The following HIP1 variants were observed in gnomAD, a reference collection of about 807,000 sequenced individuals.
HIP1 encodes huntingtin interacting protein 1.
In HIP1, 65 loss-of-function variants were observed where a neutral mutation model predicts 147.6. The observed-to-expected ratio is 0.44, with a 90% confidence interval of 0.36 to 0.54. The LOEUF is 0.54. Ranked by LOEUF, HIP1 falls within the 20% of genes least tolerant of loss-of-function variation. The probability of loss-of-function intolerance (pLI) is 0.00; values close to 1 mark genes in which losing one functional copy is unlikely to be tolerated. For missense variants in HIP1, 1,061 were observed against 1,299.6 expected (o/e 0.82, Z 2.82); for synonymous variants, 479 against 504.0 (o/e 0.95, Z 0.67).
At position 75,663,934 on chromosome 7, in the gene HIP1, GTATA is replaced by G. The variant is rs72121686; in HGVS notation, c.121-64691_121-64688del. Among the ~76,000 whole-genome samples, 7 of 25,166 alleles carry G rather than the reference GTATA, an allele frequency of 2.8e-4. 1 individual carries two copies. Among genetic ancestry groups the G allele is most frequent in the African/African-American group, 1.7e-3 (5 of 3,028 alleles). The allele number at this position is 25,166 out of a possible 152,430, so 16.5% of individuals were successfully genotyped here. On this transcript the variant is annotated intron_variant, in intron 1 of 30. Transcript: ENST00000336926. The stretch of plus-strand genomic sequence containing the variant: ...ACCTTCCATTATTTTATGTATGTGT[GTATA>G]TATATATATACACATATATGTGTAT...
intron 1 of HIP1, among the ~76,000 whole-genome samples, chr7:75,738,307 T>C (rs1327925168): frequency 1.5e-5 from 2 of 136,668 alleles, no homozygotes; most frequent in African/African-American, 5.3e-5. Flanking sequence ...GAAAGGGGGA[T>C]GCTAAGGGGT....
intron 1 of HIP1, among the ~76,000 whole-genome samples, chr7:75,706,473 C>CTTTTTT (rs139655610): frequency 7.2e-6 from 1 of 138,092 alleles, no homozygotes; most frequent in Non-Finnish European, 1.5e-5. Flanking sequence ...TATATATCTT[C>CTTTTTT]TTTTTTTTTA....
intron 2 of HIP1, among the ~76,000 whole-genome samples, chr7:75,598,859 A>G (rs1796860987): frequency 6.6e-6 from 1 of 152,164 alleles, no homozygotes; most frequent in African/African-American, 2.4e-5. Flanking sequence ...TGATCACGCC[A>G]TTGCACTCCA....
intron 1 of HIP1, among the ~76,000 whole-genome samples, chr7:75,671,944 A>C (rs1799740986): frequency 6.6e-6 from 1 of 152,144 alleles, no homozygotes; most frequent in Admixed American, 6.6e-5. Flanking sequence ...CGTGTTGGTC[A>C]GGCTGGTCTT....
intron 1 of HIP1, among the ~76,000 whole-genome samples, chr7:75,604,113 CA>C (rs1182297022): frequency 6.6e-6 from 1 of 152,066 alleles, no homozygotes; most frequent in Non-Finnish European, 1.5e-5. Context: ...CACCATAGGC[CA>C]GGGGCACCAT....
At chr7:75,674,633 C>G (rs1242214479) in intron 1 of HIP1, among the ~76,000 whole-genome samples, 1 of 151,974 alleles carries the variant, frequency 6.6e-6, no homozygotes, top group Non-Finnish European at 1.5e-5. Flanking sequence ...GCTGGGACTA[C>G]AGATGCCTGC....
At chr7:75,660,101 G>T (rs569743180) in intron 1 of HIP1, among the ~76,000 whole-genome samples, 4 of 151,820 alleles carry the variant, frequency 2.6e-5, no homozygotes, top group African/African-American at 7.2e-5. Context: ...ACTCCAGCCT[G>T]GCAACAGAGC....
intron 1 of HIP1, among the ~76,000 whole-genome samples, chr7:75,672,383 G>C (rs1799751976): frequency 6.7e-6 from 1 of 150,322 alleles, no homozygotes; most frequent in Non-Finnish European, 1.5e-5. Context: ...CTGGAGTGCA[G>C]CAGTACCATC....
At chr7:75,593,575 A>C (rs1554501186) in intron 2 of HIP1, among the ~76,000 whole-genome samples, 1 of 145,768 alleles carries the variant, frequency 6.9e-6, no homozygotes, top group East Asian at 2.0e-4. Flanking sequence ...GGTTGCAGTG[A>C]GCCAGGATCA....
chr7:75,569,441 C>CAA (rs1470824179), intron 8 of HIP1, among the ~76,000 whole-genome samples: 6 of 151,910 alleles, frequency 3.9e-5, no homozygotes, highest in African/African-American at 1.2e-4. Flanking sequence ...CCCATCTCTA[C>CAA]AAAAATTAAG....
At position 75,736,906 on chromosome 7, in the gene HIP1, C is replaced by G. The variant is rs568879455; in HGVS notation, c.120+1895G>C. 2.6e-5 allele frequency among the ~76,000 whole-genome samples: 4 copies of G among 151,144 alleles called. No individual in the cohort carries two copies. The South Asian group carries it at 6.3e-4, about 24-fold the overall frequency. ...GCTTCACACTATCCAGACACACCTG[C>G]GCGCGGTTTTCTTTCTTTTTTTCAC... is the stretch of plus-strand genomic sequence containing the variant. On this transcript the variant is annotated intron_variant, in intron 1 of 30. Transcript: ENST00000336926.
intron 1 of HIP1, among the ~76,000 whole-genome samples, chr7:75,674,146 T>A (rs1354292879): frequency 6.6e-6 from 1 of 152,178 alleles, no homozygotes; most frequent in African/African-American, 2.4e-5. Context: ...TAATTTCACT[T>A]CTTACTTTCC....
chr7:75,599,350 A>T lies in HIP1; in HGVS notation c.121-103T>A, dbSNP rs113740743. 1,021 of 877,680 alleles carry T rather than the reference A, an allele frequency of 1.2e-3. 15 individuals are homozygous for T. The African/African-American group carries it at 0.015, about 13-fold the overall frequency. The allele number at this position is 877,680 out of a possible 1,614,324, so 54.4% of individuals were successfully genotyped here. On this transcript the variant is annotated intron_variant, in intron 1 of 30. Transcript: ENST00000336926. ...CCCGCCCCTTTCTCCTCCTCCAGCC[A>T]ACCTCCCCCAGCCCCACGGGTGGTC...
chr7:75,709,020 T>C (rs1554519928), intron 1 of HIP1, among the ~76,000 whole-genome samples: 2 of 152,100 alleles, frequency 1.3e-5, no homozygotes, highest in African/African-American at 4.8e-5. Context: ...TCTTCTTTAA[T>C]TTCTTTCAGA....
chr7:75,720,323 G>A (rs1220845810), intron 1 of HIP1, among the ~76,000 whole-genome samples: 1 of 151,996 alleles, frequency 6.6e-6, no homozygotes, highest in African/African-American at 2.4e-5. Context: ...ATCATGCCTG[G>A]CTAATTTTTG....
chr7:75,707,879 G>A (rs1451722148), intron 1 of HIP1, among the ~76,000 whole-genome samples: 3 of 128,572 alleles, frequency 2.3e-5, no homozygotes, highest in Non-Finnish European at 3.2e-5. Context: ...AATGGTGCTG[G>A]GAAAACTGGC....
chr7:75,639,989 T>C (rs1363642348), intron 1 of HIP1, among the ~76,000 whole-genome samples: 1 of 152,204 alleles, frequency 6.6e-6, no homozygotes, highest in East Asian at 1.9e-4. Flanking sequence ...AAATGATGTC[T>C]GCCCTGAGCT....
intron 19 of HIP1, 21 bp from the exon 20 acceptor site, chr7:75,554,547 C>G: frequency 6.3e-7 from 1 of 1,592,096 alleles, no homozygotes; most frequent in Non-Finnish European, 8.6e-7. Context: ...GAACACAGGG[C>G]AAGGTCAGAG....
At chr7:75,633,622 A>G (rs1798315378) in intron 1 of HIP1, among the ~76,000 whole-genome samples, 1 of 152,038 alleles carries the variant, frequency 6.6e-6, no homozygotes, top group African/African-American at 2.4e-5. Flanking sequence ...GCTGGCTGAA[A>G]CCCACTAAAT....
Sources: allele counts gnomAD v4.1 joint callset (sites outside exome capture counted in the v4.1 genomes callset), GRCh38; gene constraint gnomAD v4.1.1; transcripts MANE v1.5; gene names NCBI Gene and HGNC (gene_info 2026-07-23, HGNC 2026-07-21).